PTPRD: variants seen among roughly 807,000 people sequenced by gnomAD.
The protein encoded by PTPRD is protein tyrosine phosphatase receptor type D.
In PTPRD, 34 loss-of-function variants were observed where a neutral mutation model predicts 214.5. That is an observed-to-expected ratio of 0.16 (90% confidence interval 0.12 to 0.21). PTPRD has a LOEUF of 0.21. PTPRD is among the 10% of genes least tolerant of loss of function. The pLI is 1.00. For missense variants in PTPRD, 2,545 were observed against 2,398.7 expected (o/e 1.06, Z -1.27); for synonymous variants, 1,128 against 845.7 (o/e 1.33, Z -5.79).
chr9:9,517,323 G>C (rs570202758), intron 8 of PTPRD, among the ~76,000 whole-genome samples: 1 of 152,058 alleles, frequency 6.6e-6, no homozygotes, highest in South Asian at 2.1e-4. Flanking sequence ...CCTGGAAATA[G>C]TGATGACTAA....
intron 11 of PTPRD, among the ~76,000 whole-genome samples, chr9:8,991,589 G>C (rs1333642818): frequency 6.6e-6 from 1 of 152,014 alleles, no homozygotes; most frequent in African/African-American, 2.4e-5. Context: ...GAAAAACACA[G>C]GTAAATAGAG....
chr9:9,812,406 T>G (rs1206626369), intron 5 of PTPRD, among the ~76,000 whole-genome samples: 2 of 150,412 alleles, frequency 1.3e-5, no homozygotes, highest in Non-Finnish European at 3.0e-5. Flanking sequence ...AAAAAAAAAG[T>G]TGCAGCAATA....
At chr9:8,717,517 C>T (rs10125918) in intron 12 of PTPRD, among the ~76,000 whole-genome samples, 47 of 152,306 alleles carry the variant, frequency 3.1e-4, no homozygotes, top group African/African-American at 1.1e-3. Context: ...CCCTCCAACG[C>T]ATCCTCCACA....
At chr9:9,889,445 T>A (rs1482716524) in intron 5 of PTPRD, among the ~76,000 whole-genome samples, 1 of 152,122 alleles carries the variant, frequency 6.6e-6, no homozygotes, top group Admixed American at 6.6e-5. Context: ...AAGTCCTCAC[T>A]GAGGAGGCAA....
chr9:8,461,963 C>A (rs2096419606), intron 32 of PTPRD, among the ~76,000 whole-genome samples: 1 of 151,830 alleles, frequency 6.6e-6, no homozygotes. Context: ...AACCCGTATT[C>A]TTAAGTTCTA....
intron 9 of PTPRD, among the ~76,000 whole-genome samples, chr9:9,349,687 GATA>G (rs2050347541): frequency 6.7e-6 from 1 of 149,926 alleles, no homozygotes; most frequent in South Asian, 2.1e-4. Context: ...CACCTCCAGT[GATA>G]ATAATCTTTC....
intron 3 of PTPRD, among the ~76,000 whole-genome samples, chr9:10,115,730 A>T (rs1306907563): frequency 6.6e-6 from 1 of 152,116 alleles, no homozygotes; most frequent in Non-Finnish European, 1.5e-5. Context: ...AAAATAGTTT[A>T]GTCTTGGATT....
intron 9 of PTPRD, among the ~76,000 whole-genome samples, chr9:9,328,277 C>T (rs564090932): frequency 1.1e-4 from 16 of 152,152 alleles, no homozygotes; most frequent in African/African-American, 3.4e-4. Context: ...CAAATAGTGG[C>T]ATGTAGGACC....
chr9:8,821,609 G>A (rs1257184603), intron 11 of PTPRD, among the ~76,000 whole-genome samples: 2 of 152,144 alleles, frequency 1.3e-5, no homozygotes, highest in African/African-American at 2.4e-5. Context: ...ACAACTAACT[G>A]GCCTGGCTCT....
At chr9:9,109,848 G>T (rs758458863) in intron 10 of PTPRD, among the ~76,000 whole-genome samples, 1 of 152,094 alleles carries the variant, frequency 6.6e-6, no homozygotes, top group Non-Finnish European at 1.5e-5. Context: ...CTGGGGATGT[G>T]CCAGGAATAC....
intron 2 of PTPRD, among the ~76,000 whole-genome samples, chr9:10,507,442 A>C (rs981121082): frequency 1.3e-5 from 2 of 152,164 alleles, no homozygotes; most frequent in African/African-American, 4.8e-5. Flanking sequence ...GAATTGGAAA[A>C]AACTACTTTA....
At chr9:9,293,370 C>A (rs1951835272) in intron 9 of PTPRD, among the ~76,000 whole-genome samples, 1 of 149,360 alleles carries the variant, frequency 6.7e-6, no homozygotes, top group Admixed American at 6.7e-5. Flanking sequence ...TTACATACTC[C>A]CATCATTGTT....
intron 8 of PTPRD, among the ~76,000 whole-genome samples, chr9:9,501,098 T>C (rs1270950307): frequency 6.6e-6 from 1 of 151,760 alleles, no homozygotes; most frequent in Non-Finnish European, 1.5e-5. Flanking sequence ...AGGCAATAAA[T>C]AATTAATGGG....
intron 9 of PTPRD, among the ~76,000 whole-genome samples, chr9:9,307,229 A>G (rs1241276660): frequency 2.6e-5 from 4 of 152,200 alleles, no homozygotes; most frequent in Non-Finnish European, 2.9e-5. Flanking sequence ...GGCTTCATTT[A>G]TCACTTGTAA....
intron 5 of PTPRD, among the ~76,000 whole-genome samples, chr9:9,931,292 T>C (rs996348993): frequency 6.6e-6 from 1 of 152,116 alleles, no homozygotes; most frequent in Non-Finnish European, 1.5e-5. Flanking sequence ...GACAGGTGAT[T>C]TCTGCATTTC....
chr9:9,363,416 C>T (rs957873142), intron 9 of PTPRD, among the ~76,000 whole-genome samples: 3 of 151,268 alleles, frequency 2.0e-5, no homozygotes, highest in East Asian at 1.9e-4. Flanking sequence ...GATTCTCAAA[C>T]ATTTCTATCT....
chr9:9,232,782 A>C (rs1253347917), intron 9 of PTPRD, among the ~76,000 whole-genome samples: 1 of 152,164 alleles, frequency 6.6e-6, no homozygotes, highest in Non-Finnish European at 1.5e-5. Flanking sequence ...GGACATTGGA[A>C]AGCCTCAGAA....
At chr9:9,957,034 G>A (rs927861761) in intron 4 of PTPRD, among the ~76,000 whole-genome samples, 4 of 152,138 alleles carry the variant, frequency 2.6e-5, no homozygotes, top group Non-Finnish European at 2.9e-5. Flanking sequence ...GAAATTTGGA[G>A]TTGAGAACTC....
intron 2 of PTPRD, among the ~76,000 whole-genome samples, chr9:10,522,817 T>TA (rs1252137864): frequency 1.3e-5 from 2 of 152,070 alleles, no homozygotes; most frequent in Non-Finnish European, 2.9e-5. Context: ...GCTGAACTTT[T>TA]AAAAAAGTTG....
Sources: allele counts gnomAD v4.1 joint callset (sites outside exome capture counted in the v4.1 genomes callset), GRCh38; gene constraint gnomAD v4.1.1; transcripts MANE v1.5; gene names NCBI Gene and HGNC (gene_info 2026-07-23, HGNC 2026-07-21).